The following CD38 variants were observed in gnomAD, a reference collection of about 807,000 sequenced individuals.
CD38 encodes the protein ADP-ribosyl cyclase/cyclic ADP-ribose hydrolase 1.
CD38 carries 31 observed loss-of-function variants against 36.3 expected under a neutral mutation model. That is an observed-to-expected ratio of 0.85 (90% CI 0.64 to 1.15). The LOEUF is 1.15. Ranked by LOEUF, CD38 falls within the 50% of genes most tolerant of loss-of-function variation. The probability of loss-of-function intolerance (pLI) is 0.00; values close to 1 mark genes in which losing one functional copy is unlikely to be tolerated. For missense variants in CD38, 380 were observed against 371.9 expected (o/e 1.02, Z -0.18); for synonymous variants, 131 against 135.2 (o/e 0.97, Z 0.22).
chr4:15,851,958 A>T lies in CD38; in HGVS notation c.*3356A>T, dbSNP rs1462244029. On this transcript the variant is annotated 3_prime_UTR_variant, in exon 8 of 8. Transcript: ENST00000226279. Reference sequence around the variant, plus strand: ...ATGGTAAATGTTTGTGTATCTAAACATATCTAAACATAGAAAAGGTACAGT... The same window carrying T: ...ATGGTAAATGTTTGTGTATCTAAACTTATCTAAACATAGAAAAGGTACAGT... 1 of 151,424 alleles carries T rather than the reference A, an allele frequency of 6.6e-6. No individual in the cohort carries two copies. Among genetic ancestry groups the T allele is most frequent in the African/African-American group, 2.5e-5 (1 of 40,694 alleles). The allele number at this position is 151,424 out of a possible 1,614,324, so 9.4% of individuals were successfully genotyped here.
At chr4:15,840,177 C>A in intron 6 of CD38, 59 bp downstream of exon 6, 1 of 1,246,590 alleles carries the variant, frequency 8.0e-7, no homozygotes, top group South Asian at 1.2e-5. Flanking sequence ...CAAAAGAATC[C>A]ACAGTCACAA....
chr4:15,796,194 G>T (rs1329292469), intron 1 of CD38, among the ~76,000 whole-genome samples: 1 of 152,126 alleles, frequency 6.6e-6, no homozygotes, highest in Non-Finnish European at 1.5e-5. Context: ...AAAAATGTAA[G>T]ATTTAGTTAG....
At chr4:15,787,549 G>A (rs1185966710) in intron 1 of CD38, among the ~76,000 whole-genome samples, 1 of 152,122 alleles carries the variant, frequency 6.6e-6, no homozygotes, top group African/African-American at 2.4e-5. Context: ...GAGGCTTCAG[G>A]GTCACTGGCC....
intron 1 of CD38, among the ~76,000 whole-genome samples, chr4:15,802,456 C>T (rs1170790802): frequency 1.3e-5 from 2 of 151,704 alleles, no homozygotes; most frequent in African/African-American, 4.8e-5. Flanking sequence ...TTGTTAGGAA[C>T]CATAAAAGAC....
intron 1 of CD38, among the ~76,000 whole-genome samples, chr4:15,783,577 A>G (rs545453621): frequency 1.5e-3 from 226 of 152,320 alleles, no homozygotes; most frequent in African/African-American, 5.2e-3. Context: ...TTATCACCTA[A>G]CAGTCTCTTA....
intron 4 of CD38, among the ~76,000 whole-genome samples, chr4:15,834,925 T>A (rs1724033975): frequency 6.6e-6 from 1 of 152,104 alleles, no homozygotes; most frequent in African/African-American, 2.4e-5. Flanking sequence ...ACATAATAGT[T>A]TTACATATTT....
chr4:15,795,296 A>T (rs1337792022), intron 1 of CD38, among the ~76,000 whole-genome samples: 1 of 151,972 alleles, frequency 6.6e-6, no homozygotes, highest in Non-Finnish European at 1.5e-5. Flanking sequence ...TTTGTAGTTG[A>T]TCTTAATAGG....
At position 15,778,407 on chromosome 4, in the gene CD38, G is replaced by A; in HGVS notation, c.-8G>A. On this transcript the variant is annotated 5_prime_UTR_variant, in exon 1 of 8. Coordinates refer to ENST00000226279, the MANE Select transcript of CD38 (RefSeq NM_001775.4). This position sits in a 1 kb window ranked among gnomAD's most constrained non-coding sequence, Gnocchi z 4.9. ...CATCTTCGCCCAGCCAACCCCGCCT[G>A]GAGCCCTATGGCCAACTGCGAGTTC... The A allele has an allele frequency of 1.2e-6, 2 of 1,608,188 alleles. No homozygotes were observed. The highest frequency in any genetic ancestry group is 1.1e-5 in the South Asian group (1 of 90,936).
chr4:15,835,566 C>T (rs915449761), intron 4 of CD38, among the ~76,000 whole-genome samples: 7 of 151,658 alleles, frequency 4.6e-5, no homozygotes, highest in African/African-American at 1.5e-4. Context: ...TCAGTAGAGA[C>T]GGAGTTTCAC....
intron 5 of CD38, among the ~76,000 whole-genome samples, chr4:15,838,472 C>T (rs1447713657): frequency 6.6e-6 from 1 of 152,092 alleles, no homozygotes; most frequent in Non-Finnish European, 1.5e-5. Context: ...CTCCACCCTA[C>T]CCATTGCTCA....
chr4:15,829,298 A>G (rs1397642009), intron 3 of CD38, among the ~76,000 whole-genome samples: 1 of 152,184 alleles, frequency 6.6e-6, no homozygotes, highest in Admixed American at 6.5e-5. Context: ...ATATAGATAT[A>G]CAGTGCATAA....
chr4:15,793,292 A>T (rs1002902165), intron 1 of CD38, among the ~76,000 whole-genome samples: 1 of 152,022 alleles, frequency 6.6e-6, no homozygotes, highest in Non-Finnish European at 1.5e-5. Flanking sequence ...AAATATATCC[A>T]TTTTGAGAAA....
intron 1 of CD38, among the ~76,000 whole-genome samples, chr4:15,800,017 C>CG (rs903494852): frequency 6.6e-6 from 1 of 152,048 alleles, no homozygotes; most frequent in Non-Finnish European, 1.5e-5. Flanking sequence ...AAAGCAGACT[C>CG]GGGGGGTATG....
At chr4:15,782,569 A>T (rs1722722756) in intron 1 of CD38, among the ~76,000 whole-genome samples, 1 of 152,220 alleles carries the variant, frequency 6.6e-6, no homozygotes, top group African/African-American at 2.4e-5. Flanking sequence ...TTAAATATTT[A>T]GCTGAATTAA....
At chr4:15,816,810 T>G (rs1723608645) in intron 2 of CD38, 170 bp downstream of exon 2, 1 of 702,592 alleles carries the variant, frequency 1.4e-6, no homozygotes, top group African/African-American at 1.8e-5. Flanking sequence ...CATGATATAA[T>G]TAAGATTTAG....
intron 2 of CD38, among the ~76,000 whole-genome samples, chr4:15,818,685 C>A (rs1405753318): frequency 6.6e-6 from 1 of 152,178 alleles, no homozygotes; most frequent in Non-Finnish European, 1.5e-5. Flanking sequence ...TGTTCTGTAG[C>A]CTCCACTCGT....
At chr4:15,794,771 A>T (rs1167181668) in intron 1 of CD38, among the ~76,000 whole-genome samples, 2 of 147,544 alleles carry the variant, frequency 1.4e-5, no homozygotes, top group Non-Finnish European at 3.0e-5. Context: ...CTTAGTTTTC[A>T]TAGGAAAAAA....
intron 1 of CD38, among the ~76,000 whole-genome samples, chr4:15,791,866 C>T (rs1303696992): frequency 1.1e-5 from 1 of 91,980 alleles, no homozygotes; most frequent in East Asian, 2.5e-4. Flanking sequence ...TCTGCCCGGC[C>T]GCCCCTACTG....
chr4:15,815,915 C>T (rs1342851662), intron 1 of CD38, among the ~76,000 whole-genome samples: 1 of 152,080 alleles, frequency 6.6e-6, no homozygotes, highest in East Asian at 1.9e-4. Context: ...AGAAATAGCT[C>T]TTATTATTTT....
Sources: gnomAD v4.1 joint callset for allele counts (sites outside exome capture counted in the v4.1 genomes callset) on GRCh38, gnomAD v4.1.1 for gene constraint, Gnocchi (gnomAD v3.1) non-coding constraint, MANE v1.5 for transcripts, NCBI Gene and HGNC (gene_info 2026-07-23, HGNC 2026-07-21) for gene names.